Variants in SFMBT1 observed in about 807,000 individuals in gnomAD.
The protein encoded by SFMBT1 is Scm like with four mbt domains 1, also known as scm-like with four MBT domains protein 1.
SFMBT1 carries 32 observed loss-of-function variants against 108.7 expected under a neutral mutation model. That is an observed-to-expected ratio of 0.29 (90% CI 0.22 to 0.40). The LOEUF (loss-of-function observed/expected upper bound fraction) is 0.40. Among genes scored for constraint, SFMBT1 ranks in the 10% least tolerant of loss-of-function variants. The probability of loss-of-function intolerance (pLI) is 1.00; values close to 1 mark genes in which losing one functional copy is unlikely to be tolerated. For missense variants in SFMBT1, 816 were observed against 1,059.6 expected (o/e 0.77, Z 3.19); for synonymous variants, 348 against 369.5 (o/e 0.94, Z 0.67).
Position 52,903,639 on chromosome 3 carries a change from T to C in SFMBT1, c.*1497A>G, listed in dbSNP as rs1702001010. On this transcript the variant is annotated 3_prime_UTR_variant, in exon 21 of 21. Coordinates refer to ENST00000394752, the MANE Select transcript of SFMBT1 (RefSeq NM_016329.4). ...TCACCCAGTTTGCAGGATTAAAACA[T>C]TTTCAAATCTTGAGGAAGAATGATT... 2.0e-5 allele frequency: 3 copies of C among 152,330 alleles called. No homozygotes were observed. In the South Asian group the frequency reaches 6.2e-4, roughly 32 times the overall value. 9.4% of individuals were successfully genotyped at this position (152,330 alleles called of 1,614,324 possible).
At chr3:52,927,413 C>T (rs959317566) in intron 9 of SFMBT1, among the ~76,000 whole-genome samples, 1 of 152,298 alleles carries the variant, frequency 6.6e-6, no homozygotes, top group East Asian at 1.9e-4. Flanking sequence ...AGAAAGAGTA[C>T]TTCCAGCCCA....
At chr3:53,022,999 A>T (rs78799751) in intron 1 of SFMBT1, among the ~76,000 whole-genome samples, 1,730 of 152,352 alleles carry the variant, frequency 0.011, 37 homozygotes, top group African/African-American at 0.038. Flanking sequence ...TAAAAAATTT[A>T]AAAAAGTCAT....
intron 10 of SFMBT1, 52 bp from the exon 11 acceptor site, chr3:52,921,883 C>T (rs1702529853): frequency 6.3e-7 from 1 of 1,587,062 alleles, no homozygotes; most frequent in Non-Finnish European, 8.6e-7. Flanking sequence ...AGTATTAACT[C>T]ACGTGCTCAG....
intron 1 of SFMBT1, among the ~76,000 whole-genome samples, chr3:53,010,143 A>C (rs888916265): frequency 6.6e-6 from 1 of 152,238 alleles, no homozygotes; most frequent in South Asian, 2.1e-4. Flanking sequence ...AATCATAATG[A>C]AAAGGAAGGA....
rs747484489 is a variant in SFMBT1, at chr3:52,931,018, T to G, written c.718A>C (p.Asn240His). ...AAAATCTCTTGCCACTCAGCTTCAT[T>G]TTTTAGATGTCTAATGGCTTTAATA... ...QPPSAIRHLK[N>H]EAEWQEILAK... is the part of the protein sequence containing the mutation. The change falls in exon 7 of 21, where the codon AAT (asparagine) becomes CAT (histidine). Residue 240 changes from asparagine (N) to histidine (H), a missense_variant. This residue lies in a region of SFMBT1 where 495 missense variants were observed against 607.4 expected (regional missense o/e 0.81). Transcript: ENST00000394752. 146 of 1,613,900 alleles carry G rather than the reference T, an allele frequency of 9.0e-5. No individual in the cohort carries two copies. The South Asian group carries it at 1.0e-3, about 11-fold the overall frequency.
rs1293537467 is a variant in SFMBT1 at position 52,962,922 on chromosome 3, A to C, written c.28+6179T>G. On this transcript the variant is annotated intron_variant, in intron 2 of 20. Transcript: ENST00000394752. The stretch of plus-strand genomic sequence containing the variant: ...ACAACAGGAGAATAAATTAAAAAGT[A>C]ATAAAACTGGCTATATATATGGAAA... Among the ~76,000 whole-genome samples, 7 of 152,276 alleles carry C rather than the reference A, an allele frequency of 4.6e-5. No homozygotes were observed. In the East Asian group the frequency reaches 1.2e-3, roughly 25 times the overall value.
At chr3:52,926,978 T>G (rs1014137737) in intron 9 of SFMBT1, among the ~76,000 whole-genome samples, 1 of 152,212 alleles carries the variant, frequency 6.6e-6, no homozygotes, top group Non-Finnish European at 1.5e-5. Flanking sequence ...TTTTCAGTTA[T>G]GTAATCTACT....
At chr3:53,026,374 A>G (rs536028270) in intron 1 of SFMBT1, among the ~76,000 whole-genome samples, 4 of 152,232 alleles carry the variant, frequency 2.6e-5, no homozygotes, top group Non-Finnish European at 5.9e-5. Context: ...TTATTGTACT[A>G]GAAAGGAAAG....
intron 1 of SFMBT1, among the ~76,000 whole-genome samples, chr3:53,029,221 G>T (rs1332885268): frequency 6.7e-6 from 1 of 150,372 alleles, no homozygotes; most frequent in African/African-American, 2.5e-5. Flanking sequence ...GTACTACCAT[G>T]GGGGAGAAAA....
chr3:52,906,827 G>T (rs942382356), intron 19 of SFMBT1, among the ~76,000 whole-genome samples: 4 of 151,964 alleles, frequency 2.6e-5, no homozygotes, highest in Non-Finnish European at 5.9e-5. Context: ...GGCTTTTTTT[G>T]TTGTTGTTGT....
intron 1 of SFMBT1, among the ~76,000 whole-genome samples, chr3:52,982,581 T>C (rs868353206): frequency 2.0e-5 from 3 of 151,554 alleles, no homozygotes; most frequent in Non-Finnish European, 2.9e-5. Context: ...ATACAAAAAT[T>C]AGCCGGACAT....
At chr3:52,982,314 C>T (rs1704739772) in intron 1 of SFMBT1, among the ~76,000 whole-genome samples, 1 of 152,152 alleles carries the variant, frequency 6.6e-6, no homozygotes, top group Non-Finnish European at 1.5e-5. Flanking sequence ...CAATAGACTC[C>T]TGCTAGAGAA....
chr3:52,980,481 C>T (rs773121951), intron 1 of SFMBT1, among the ~76,000 whole-genome samples: 20 of 151,954 alleles, frequency 1.3e-4, no homozygotes, highest in African/African-American at 4.8e-4. Context: ...TTAATAACAC[C>T]GTAAGACCCA....
chr3:53,028,649 T>C (rs948860375), intron 1 of SFMBT1, among the ~76,000 whole-genome samples: 47 of 152,188 alleles, frequency 3.1e-4, no homozygotes, highest in African/African-American at 1.0e-3. Context: ...GTATGGTCAC[T>C]GCATTCCAGT....
At chr3:53,037,344 T>C (rs1324445634) in intron 1 of SFMBT1, among the ~76,000 whole-genome samples, 2 of 152,186 alleles carry the variant, frequency 1.3e-5, no homozygotes, top group Non-Finnish European at 2.9e-5. Flanking sequence ...TCTCTGTTGA[T>C]TGAGGAGCCC....
intron 1 of SFMBT1, among the ~76,000 whole-genome samples, chr3:52,986,622 C>A (rs555599171): frequency 1.3e-5 from 2 of 151,098 alleles, no homozygotes; most frequent in African/African-American, 4.8e-5. Context: ...AAAAAAAAAA[C>A]TTAGTCGGGC....
At chr3:52,923,968 G>C (rs1353575238) in intron 10 of SFMBT1, among the ~76,000 whole-genome samples, 1 of 152,088 alleles carries the variant, frequency 6.6e-6, no homozygotes, top group Non-Finnish European at 1.5e-5. Flanking sequence ...CTTCCAGAAA[G>C]GGTCGGGGGA....
chr3:52,924,474 T>A (rs922038389), intron 10 of SFMBT1, among the ~76,000 whole-genome samples: 2 of 151,986 alleles, frequency 1.3e-5, no homozygotes, highest in Non-Finnish European at 2.9e-5. Flanking sequence ...AAACCCAGTC[T>A]CTGCTAAAAA....
intron 16 of SFMBT1, among the ~76,000 whole-genome samples, chr3:52,912,151 A>G (rs1388983204): frequency 6.6e-6 from 1 of 152,026 alleles, no homozygotes; most frequent in Non-Finnish European, 1.5e-5. Flanking sequence ...GGCTTCTGAT[A>G]TTATCCACAG....
Sources: allele counts gnomAD v4.1 joint callset (sites outside exome capture counted in the v4.1 genomes callset), GRCh38; gene constraint gnomAD v4.1.1; regional missense constraint gnomAD v4.1.1; transcripts MANE v1.5; gene names NCBI Gene and HGNC (gene_info 2026-07-23, HGNC 2026-07-21).